Variants in FARS2 observed in about 807,000 individuals in gnomAD.
FARS2 encodes the protein phenylalanine--tRNA ligase, mitochondrial.
A neutral mutation model predicts 46.4 loss-of-function variants in FARS2; 40 were observed. The ratio of observed to expected loss-of-function variants is 0.86; its 90% CI spans 0.67 to 1.12. The LOEUF (loss-of-function observed/expected upper bound fraction) is 1.12. FARS2 is among the 50% of genes most tolerant of loss of function. The pLI is 0.00. For missense variants in FARS2, 513 were observed against 567.9 expected, an observed-to-expected ratio of 0.90 and a Z score of 0.98; for synonymous variants, 234 against 214.9, an observed-to-expected ratio of 1.09 and a Z score of -0.78.
In FARS2 at chr6:5,564,538, C is replaced by A. The variant is rs190325012; in HGVS notation, c.1065+19198C>A. Among the ~76,000 whole-genome samples, 777 of 152,276 alleles carry A rather than the reference C, an allele frequency of 5.1e-3. 6 individuals carry two copies. Among genetic ancestry groups the A allele is most frequent in the African/African-American group, 0.018 (751 of 41,552 alleles). On this transcript the variant is annotated intron_variant, in intron 5 of 6. Transcript: ENST00000274680. Reference sequence around the variant, plus strand: ...AATGAATGAGACTAGGATTTAATGACAAATGTAAGATAAACTTTGGAGCAA... The same window carrying A: ...AATGAATGAGACTAGGATTTAATGAAAAATGTAAGATAAACTTTGGAGCAA...
chr6:5,295,132 C>CA (rs1348348719), intron 1 of FARS2, among the ~76,000 whole-genome samples: 3 of 152,154 alleles, frequency 2.0e-5, no homozygotes, highest in African/African-American at 7.2e-5. Flanking sequence ...TGGCACGAGG[C>CA]AGCAGTCTGT....
At chr6:5,373,913 A>T (rs1369210131) in intron 2 of FARS2, among the ~76,000 whole-genome samples, 1 of 146,010 alleles carries the variant, frequency 6.8e-6, no homozygotes, top group Non-Finnish European at 1.5e-5. Context: ...CTATTTTTAA[A>T]GAAAAAAAAA....
chr6:5,629,187 TA>T (rs1776175027), intron 6 of FARS2, among the ~76,000 whole-genome samples: 1 of 152,204 alleles, frequency 6.6e-6, no homozygotes, highest in South Asian at 2.1e-4. Context: ...GTCTGAGATA[TA>T]AAAATAACTT....
intron 6 of FARS2, among the ~76,000 whole-genome samples, chr6:5,725,303 G>A (rs911580514): frequency 6.6e-6 from 1 of 152,222 alleles, no homozygotes; most frequent in South Asian, 2.1e-4. Context: ...AATTGGAAAG[G>A]AGCTTTGGAG....
chr6:5,589,553 G>A (rs548375481), intron 5 of FARS2, among the ~76,000 whole-genome samples: 3 of 152,320 alleles, frequency 2.0e-5, no homozygotes, highest in Admixed American at 6.5e-5. Flanking sequence ...GAGCCTGCTC[G>A]ATTTGTACAC....
intron 4 of FARS2, among the ~76,000 whole-genome samples, chr6:5,467,619 A>G (rs1261390723): frequency 6.6e-6 from 1 of 152,166 alleles, no homozygotes; most frequent in Non-Finnish European, 1.5e-5. Context: ...TAGGTGAACA[A>G]TCTAATTTTT....
chr6:5,469,348 C>T (rs529216948), intron 4 of FARS2, among the ~76,000 whole-genome samples: 3 of 152,338 alleles, frequency 2.0e-5, no homozygotes, highest in Non-Finnish European at 2.9e-5. Context: ...TCCCATTGTG[C>T]GGAGCCCCGC....
chr6:5,529,898 G>A (rs759374359), intron 4 of FARS2, among the ~76,000 whole-genome samples: 15 of 152,188 alleles, frequency 9.9e-5, no homozygotes, highest in Non-Finnish European at 1.9e-4. Flanking sequence ...AAGCTAGCTG[G>A]TTGGATGATG....
chr6:5,431,068 A>C lies in FARS2; in HGVS notation c.800A>C (p.Tyr267Ser). ...DELEIRWVDC[Y>S]FPFTHPSFEM... is the part of the protein sequence containing the mutation. Reference sequence around the variant, plus strand: ...CTGGAGATAAGATGGGTAGACTGCTACTTCCCTTTTACACATCCTTCCTTT... The same window carrying C: ...CTGGAGATAAGATGGGTAGACTGCTCCTTCCCTTTTACACATCCTTCCTTT... Residue 267 changes from tyrosine (Y) to serine (S), a missense_variant, in exon 4 of 7, where the codon TAC becomes TCC. By Grantham distance (144) the Tyr-to-Ser change is moderately radical. Transcript: ENST00000274680. 1 of 1,613,908 alleles carries C rather than the reference A, an allele frequency of 6.2e-7. No individual in the cohort carries two copies. Among genetic ancestry groups the C allele is most frequent in the Non-Finnish European group, 8.5e-7 (1 of 1,179,836 alleles).
intron 5 of FARS2, among the ~76,000 whole-genome samples, chr6:5,593,117 G>A (rs892254505): frequency 2.6e-5 from 4 of 152,138 alleles, no homozygotes; most frequent in African/African-American, 7.2e-5. Context: ...GAGCAATGCC[G>A]TGCTTCTGGT....
intron 6 of FARS2, among the ~76,000 whole-genome samples, chr6:5,705,387 A>G (rs1291782213): frequency 6.6e-6 from 1 of 152,032 alleles, no homozygotes; most frequent in Non-Finnish European, 1.5e-5. Context: ...AATGAGTTGC[A>G]TGCGCCATGA....
At chr6:5,650,437 C>T (rs551558474) in intron 6 of FARS2, among the ~76,000 whole-genome samples, 1 of 152,232 alleles carries the variant, frequency 6.6e-6, no homozygotes, top group East Asian at 1.9e-4. Flanking sequence ...ATTTACCAAG[C>T]ACCATTATAA....
At chr6:5,753,513 A>G (rs1004602837) in intron 6 of FARS2, among the ~76,000 whole-genome samples, 3 of 152,146 alleles carry the variant, frequency 2.0e-5, no homozygotes, top group Non-Finnish European at 4.4e-5. Context: ...GTGTCTTTTA[A>G]TGAATCGCAG....
chr6:5,687,517 G>A (rs574725530), intron 6 of FARS2, among the ~76,000 whole-genome samples: 1,625 of 152,132 alleles, frequency 0.011, 12 homozygotes, highest in South Asian at 0.041. Context: ...GTAGATATGC[G>A]GCATTATTTC....
chr6:5,299,156 G>C (rs1401323866), intron 1 of FARS2, among the ~76,000 whole-genome samples: 2 of 152,128 alleles, frequency 1.3e-5, no homozygotes, highest in Non-Finnish European at 2.9e-5. Context: ...GCTCACTTTG[G>C]GTTTTGATGG....
intron 4 of FARS2, among the ~76,000 whole-genome samples, chr6:5,446,686 G>A (rs1428198566): frequency 2.6e-5 from 4 of 152,214 alleles, no homozygotes; most frequent in Non-Finnish European, 4.4e-5. Context: ...GAGTAGTTTA[G>A]ACGACAGGGG....
intron 4 of FARS2, among the ~76,000 whole-genome samples, chr6:5,431,961 A>T (rs1257832987): frequency 8.3e-5 from 2 of 24,160 alleles, no homozygotes; most frequent in Admixed American, 1.2e-3. Flanking sequence ...TCACTGTCTG[A>T]ATGTAATACT....
intron 4 of FARS2, among the ~76,000 whole-genome samples, chr6:5,515,122 G>A (rs1023936847): frequency 1.3e-5 from 2 of 152,070 alleles, no homozygotes; most frequent in Admixed American, 6.6e-5. Flanking sequence ...AATCTATGTG[G>A]CCATAGGGAA....
chr6:5,371,167 A>G lies in FARS2; in HGVS notation c.612+1985A>G, dbSNP rs377270168. The stretch of plus-strand genomic sequence containing the variant: ...TGACCCAAAGGGGAGTTTTGGTTCC[A>G]AGAATGCTATGGAGAGTGGAGTCAG... On this transcript the variant is annotated intron_variant, in intron 2 of 6. Transcript: ENST00000274680. The G allele has an allele frequency of 1.5e-5, 15 of 984,886 alleles. No homozygotes were observed. The African/African-American group carries it at 2.6e-4, about 17-fold the overall frequency. The allele number at this position is 984,886 out of a possible 1,614,324, so 61.0% of individuals were successfully genotyped here.
Sources: gnomAD v4.1 joint callset for allele counts (sites outside exome capture counted in the v4.1 genomes callset) on GRCh38, gnomAD v4.1.1 for gene constraint, MANE v1.5 for transcripts, NCBI Gene and HGNC (gene_info 2026-07-23, HGNC 2026-07-21) for gene names.